LIPI: variants seen among roughly 807,000 people sequenced by gnomAD.
The protein encoded by LIPI is lipase I.
A neutral mutation model predicts 50.6 loss-of-function variants in LIPI; 59 were observed. That is an observed-to-expected ratio of 1.16 (90% CI 0.94 to 1.45). The LOEUF (loss-of-function observed/expected upper bound fraction) is 1.45. Among genes scored for constraint, LIPI ranks in the 40% most tolerant of loss-of-function variants. The pLI is 0.00. For missense variants in LIPI, 586 were observed against 536.3 expected, an observed-to-expected ratio of 1.09 and a Z score of -0.92; for synonymous variants, 203 against 178.2, an observed-to-expected ratio of 1.14 and a Z score of -1.11.
At chr21:14,180,615 T>C (rs550106522) in intron 4 of LIPI, among the ~76,000 whole-genome samples, 1 of 152,226 alleles carries the variant, frequency 6.6e-6, no homozygotes, top group South Asian at 2.1e-4. Context: ...ATGTGTTTTA[T>C]GTGGATGTGC....
intron 2 of LIPI, among the ~76,000 whole-genome samples, chr21:14,188,567 C>CACAA (rs2019536852): frequency 1.5e-5 from 1 of 65,946 alleles, no homozygotes; most frequent in Non-Finnish European, 2.8e-5. Context: ...GAACCTGTCT[C>CACAA]AAAAAAAAAA....
chr21:14,169,807 G>A (rs2018826621), intron 4 of LIPI, among the ~76,000 whole-genome samples: 1 of 152,084 alleles, frequency 6.6e-6, no homozygotes, highest in South Asian at 2.1e-4. Context: ...AAAAGAACTA[G>A]AAAAGCAAGA....
intron 9 of LIPI, among the ~76,000 whole-genome samples, chr21:14,111,815 T>C (rs1600818828): frequency 6.6e-6 from 1 of 151,528 alleles, no homozygotes; most frequent in East Asian, 1.9e-4. Context: ...CATGTGACTA[T>C]ACAGTTTTTC....
At chr21:14,151,410 G>C (rs992705593) in intron 8 of LIPI, among the ~76,000 whole-genome samples, 1 of 152,152 alleles carries the variant, frequency 6.6e-6, no homozygotes, top group Admixed American at 6.6e-5. Flanking sequence ...TTTATGTACT[G>C]TAACTACCTA....
At chr21:14,140,430 T>C (rs2017663901) in intron 9 of LIPI, among the ~76,000 whole-genome samples, 1 of 152,142 alleles carries the variant, frequency 6.6e-6, no homozygotes, top group Non-Finnish European at 1.5e-5. Context: ...TCCATCTATG[T>C]CATATACATT....
chr21:14,122,803 T>C (rs868266225), intron 9 of LIPI, among the ~76,000 whole-genome samples: 28 of 152,216 alleles, frequency 1.8e-4, no homozygotes, highest in African/African-American at 6.5e-4. Flanking sequence ...GAGCTAAGCT[T>C]TGATCAAGAA....
intron 1 of LIPI, among the ~76,000 whole-genome samples, chr21:14,193,362 C>G (rs1200833154): frequency 1.3e-5 from 2 of 151,934 alleles, no homozygotes; most frequent in African/African-American, 4.8e-5. Flanking sequence ...ATACAGAAAA[C>G]TAATAACAAA....
At chr21:14,110,201 T>C (rs556014627) in intron 9 of LIPI, among the ~76,000 whole-genome samples, 85 of 151,902 alleles carry the variant, frequency 5.6e-4, no homozygotes, top group African/African-American at 1.8e-3. Context: ...ATATATATTA[T>C]ACCAAAGTAC....
chr21:14,156,079 G>A (rs951597889), intron 7 of LIPI, among the ~76,000 whole-genome samples: 1 of 151,924 alleles, frequency 6.6e-6, no homozygotes, highest in African/African-American at 2.4e-5. Flanking sequence ...GTTAAATGTT[G>A]GAATCATTAA....
chr21:14,176,381 A>G (rs1311668875), intron 4 of LIPI, among the ~76,000 whole-genome samples: 1 of 151,950 alleles, frequency 6.6e-6, no homozygotes, highest in Non-Finnish European at 1.5e-5. Context: ...ATTTTTCAAA[A>G]TAGATGCTTA....
chr21:14,188,387 G>T (rs1181649685), intron 2 of LIPI, among the ~76,000 whole-genome samples: 1 of 151,916 alleles, frequency 6.6e-6, no homozygotes, highest in Non-Finnish European at 1.5e-5. Context: ...GGCCAACATG[G>T]TGAAACCTCG....
intron 1 of LIPI, among the ~76,000 whole-genome samples, chr21:14,199,406 T>A (rs143200096): frequency 6.6e-6 from 1 of 150,640 alleles, no homozygotes; most frequent in Non-Finnish European, 1.5e-5. Context: ...GTAACAAGGG[T>A]TATATTACTA....
chr21:14,202,987 G>GA (rs1423829762), intron 1 of LIPI, among the ~76,000 whole-genome samples: 2 of 147,322 alleles, frequency 1.4e-5, no homozygotes, highest in East Asian at 1.9e-4. Flanking sequence ...AAATTTACAA[G>GA]AAAAAAACAA....
At chr21:14,162,282 G>A (rs1488568342) in intron 7 of LIPI, among the ~76,000 whole-genome samples, 1 of 151,372 alleles carries the variant, frequency 6.6e-6, no homozygotes. Context: ...AAATAACAAA[G>A]TTCTAGAAAT....
chr21:14,112,141 T>C (rs745698556), intron 9 of LIPI, among the ~76,000 whole-genome samples: 2 of 152,100 alleles, frequency 1.3e-5, no homozygotes, highest in Non-Finnish European at 2.9e-5. Context: ...AATTAATTTT[T>C]AAATGGGTGA....
chr21:14,192,876 A>G (rs2019723723), intron 1 of LIPI, among the ~76,000 whole-genome samples: 1 of 152,214 alleles, frequency 6.6e-6, no homozygotes, highest in African/African-American at 2.4e-5. Context: ...CTTCACATTT[A>G]AAAGAAAGTA....
intron 3 of LIPI, among the ~76,000 whole-genome samples, chr21:14,184,792 T>G (rs1349810205): frequency 1.3e-5 from 2 of 152,234 alleles, no homozygotes; most frequent in Non-Finnish European, 2.9e-5. Flanking sequence ...TAGGGAACTT[T>G]GTATAAGTAA....
chr21:14,194,307 A>C (rs183991189), intron 1 of LIPI, among the ~76,000 whole-genome samples: 437 of 152,302 alleles, frequency 2.9e-3, no homozygotes, highest in Middle Eastern at 0.01. Flanking sequence ...CTGTATATAC[A>C]CCCAAAAGAA....
rs1224878784 is a variant in LIPI at position 14,161,791 on chromosome 21, A to T, written c.1006+1628T>A. On this transcript the variant is annotated intron_variant, in intron 7 of 9. Transcript: ENST00000681601. ...TTATATATTAATATATAATATATACATTATTATATATTAATGTATAATATA... is the reference window on the plus strand; with the variant it reads ...TTATATATTAATATATAATATATACTTTATTATATATTAATGTATAATATA... 1.6e-3 allele frequency among the ~76,000 whole-genome samples: 66 copies of T among 42,286 alleles called. 22 individuals are homozygous for T. Among genetic ancestry groups the T allele is most frequent in the African/African-American group, 8.8e-3 (66 of 7,462 alleles). 27.7% of individuals were successfully genotyped at this position (42,286 alleles called of 152,430 possible).
Sources: gnomAD v4.1 joint callset for allele counts (sites outside exome capture counted in the v4.1 genomes callset) on GRCh38, gnomAD v4.1.1 for gene constraint, MANE v1.5 for transcripts, NCBI Gene and HGNC (gene_info 2026-07-23, HGNC 2026-07-21) for gene names.